Variants in COL6A2 observed in about 807,000 individuals in gnomAD.
COL6A2 encodes the protein collagen alpha-2(VI) chain.
Under a neutral mutation model 124.9 loss-of-function variants are expected in COL6A2, and 90 were observed. The observed-to-expected ratio is 0.72, with a 90% CI of 0.61 to 0.86. The LOEUF (loss-of-function observed/expected upper bound fraction) is 0.86. Ranked by LOEUF, COL6A2 falls within the 40% of genes least tolerant of loss-of-function variation. COL6A2 has a pLI of 0.00. For missense variants in COL6A2, 1,607 were observed against 1,502.5 expected (o/e 1.07, Z -1.15); for synonymous variants, 793 against 618.2 (o/e 1.28, Z -4.19).
chr21:46,125,648 C>T (rs372212129), intron 25 of COL6A2, 31 bp downstream of exon 25: 62 of 571,672 alleles, frequency 1.1e-4, no homozygotes, highest in Admixed American at 3.4e-4. Context: ...TGCAGCATTG[C>T]GGGGGGCCGG....
chr21:46,111,368 T>A (rs1463107693), intron 1 of COL6A2, 82 bp from the exon 2 acceptor site: 10 of 755,092 alleles, frequency 1.3e-5, no homozygotes, highest in Non-Finnish European at 2.1e-5. Context: ...CCCGCTGACC[T>A]GCTGTGCGTG....
At chr21:46,109,425 C>A (rs2078370819) in intron 1 of COL6A2, among the ~76,000 whole-genome samples, 1 of 152,224 alleles carries the variant, frequency 6.6e-6, no homozygotes, top group South Asian at 2.1e-4. Context: ...CCCCTCTGGT[C>A]CGTAGGACGG....
rs1401990791 is a variant in COL6A2, at chr21:46,119,051, G to A, written c.1201G>A (p.Ala401Thr). The A allele has an allele frequency of 6.2e-6, 10 of 1,611,956 alleles. No individual in the cohort carries two copies. The highest frequency in any genetic ancestry group is 1.6e-4 in the Middle Eastern group (1 of 6,078). The change falls in exon 14 of 28, where the codon GCC becomes ACC. Residue 401 changes from alanine to threonine, a missense_variant. Coordinates refer to ENST00000300527, the MANE Select transcript of COL6A2 (RefSeq NM_001849.4). ...GSKGYQGNSG[A>T]PGSPGVKGAK... is the part of the protein sequence containing the mutation. ...TCAGGGGTATCAAGGCAACAGTGGAGCCCCAGGAAGTCCTGGTGTGAAAGG... is the reference window on the plus strand; with the variant it reads ...TCAGGGGTATCAAGGCAACAGTGGAACCCCAGGAAGTCCTGGTGTGAAAGG...
At position 46,132,263 on chromosome 21, in the gene COL6A2, C is replaced by G. The variant is rs1315506672; in HGVS notation, c.2771C>G (p.Ala924Gly). ...CACGTGGGCGCAGGCGTGGTGCACG[C>G]CATCAATGCCATCGTGCGCAGCCCG... ...FSHVGAGVVH[A>G]INAIVRSPRG... Residue 924 changes from alanine to glycine, a missense_variant, in exon 28 of 28, where the codon GCC becomes GGC. Physicochemically the swap from Ala to Gly is moderately conservative, Grantham distance 60. Around this residue, in one of 3 missense-constraint regions of COL6A2, gnomAD observed 1,223 missense variants for 1,052.2 expected, o/e 1.16. Coordinates refer to ENST00000300527, the MANE Select transcript of COL6A2 (RefSeq NM_001849.4). The G allele has an allele frequency of 6.2e-7, 1 of 1,606,178 alleles. No individual in the cohort carries two copies. Among genetic ancestry groups the G allele is most frequent in the Non-Finnish European group, 8.5e-7 (1 of 1,178,536 alleles).
chr21:46,105,858 A>G (rs1395072792), intron 1 of COL6A2, among the ~76,000 whole-genome samples: 1 of 152,256 alleles, frequency 6.6e-6, no homozygotes, highest in African/African-American at 2.4e-5. Context: ...AAAATGAAAG[A>G]AGTCCCTCTT....
Position 46,111,508 on chromosome 21 carries a change from TCTGGGGAATC to T in COL6A2, c.39_48del (p.Ile14ProfsTer54). 6.2e-7 allele frequency: 1 copy of T among 1,612,856 alleles called. No homozygotes were observed. The highest frequency in any genetic ancestry group is 8.5e-7 in the Non-Finnish European group (1 of 1,179,854). The stretch of plus-strand genomic sequence containing the variant: ...CAGGGCACCTGCTCCGTGCTCCTGC[TCTGGGGAATC>T]CTGGGGGCCATCCAGGCCCAGCAGC... On this transcript the variant is annotated frameshift_variant, in exon 2 of 28. Coordinates refer to ENST00000300527, the MANE Select transcript of COL6A2 (RefSeq NM_001849.4). LOFTEE classifies it high-confidence loss of function.
intron 4 of COL6A2, 105 bp downstream of exon 4, chr21:46,112,929 G>C (rs899100824): frequency 8.4e-6 from 12 of 1,422,652 alleles, no homozygotes; most frequent in Non-Finnish European, 1.2e-5. Flanking sequence ...GAACAGATGA[G>C]AGGAGAGGGA....
intron 27 of COL6A2, among the ~76,000 whole-genome samples, chr21:46,127,922 C>G (rs929456883): frequency 1.3e-5 from 2 of 152,206 alleles, no homozygotes; most frequent in Non-Finnish European, 2.9e-5. Context: ...GCCAGCCCTG[C>G]GTGCCCGGGA....
Position 46,112,577 on chromosome 21 carries a change from G to A in COL6A2, c.714G>A (p.Met238Ile), listed in dbSNP as rs963826946. 1 of 1,611,898 alleles carries A rather than the reference G, an allele frequency of 6.2e-7. No homozygotes were observed. Among genetic ancestry groups the A allele is most frequent in the Non-Finnish European group, 8.5e-7 (1 of 1,179,838 alleles). ...CCATCAACCGCATCATCAAGGTCAT[G>A]GTGAGCCGCGGGCGGGAGCACCGTC... ...QDTINRIIKVMKHEAYGECYK... is the reference protein window; with the variant it reads ...QDTINRIIKVIKHEAYGECYK... Residue 238 changes from methionine to isoleucine, a missense_variant and splice_region_variant, in exon 3 of 28, where the codon ATG becomes ATA. Physicochemically the swap from Met to Ile is conservative, Grantham distance 10. Coordinates refer to ENST00000300527, the MANE Select transcript of COL6A2 (RefSeq NM_001849.4).
At chr21:46,114,298 G>A (rs1000496223) in intron 5 of COL6A2, among the ~76,000 whole-genome samples, 35 of 152,098 alleles carry the variant, frequency 2.3e-4, no homozygotes, top group Non-Finnish European at 3.1e-4. Flanking sequence ...AGTGGCATGC[G>A]CCTGTAGTCC....
At position 46,117,921 on chromosome 21, in the gene COL6A2, A is replaced by G; in HGVS notation, c.1101A>G (p.Gly367=). 6.2e-7 allele frequency: 1 copy of G among 1,612,810 alleles called. No individual in the cohort carries two copies. The highest frequency in any genetic ancestry group is 1.1e-5 in the South Asian group (1 of 90,948). The part of the protein sequence containing the change: ...PGEAGSPGER[G]DQGGKGDPGR... ...AAGCAGGGAGTCCAGGGGAGCGAGG[A>G]GACCAAGGCGGCAAGGTAAGTGGCC... Residue 367 remains glycine, a synonymous_variant, in exon 12 of 28, where the codon GGA becomes GGG. Transcript: ENST00000300527.
At chr21:46,124,298 C>T (rs895881731) in intron 21 of COL6A2, among the ~76,000 whole-genome samples, 8 of 147,182 alleles carry the variant, frequency 5.4e-5, no homozygotes, top group Non-Finnish European at 1.1e-4. Context: ...GGTGATTGGG[C>T]GAATGGGCGA....
chr21:46,112,735 C>G (rs988407376), intron 3 of COL6A2, 69 bp from the exon 4 acceptor site: 6 of 1,610,950 alleles, frequency 3.7e-6, no homozygotes, highest in Non-Finnish European at 5.1e-6. Flanking sequence ...CATCCCCACC[C>G]AGACTCGAGG....
Position 46,125,502 on chromosome 21 carries a change from C to G in COL6A2, c.1854C>G (p.Phe618Leu). The stretch of plus-strand genomic sequence containing the variant: ...GCTGTGGCGCCCTGGACGTGGTCTT[C>G]GTCATCGACAGCTCCGAGAGCATTG... ...EKRCGALDVV[F>L]VIDSSESIGY... The change falls in exon 25 of 28, where the codon TTC becomes TTG. Residue 618 changes from phenylalanine to leucine, a missense_variant. Transcript: ENST00000300527. 1 of 1,612,978 alleles carries G rather than the reference C, an allele frequency of 6.2e-7. No individual in the cohort carries two copies. Among genetic ancestry groups the G allele is most frequent in the Non-Finnish European group, 8.5e-7 (1 of 1,179,974 alleles).
intron 1 of COL6A2, among the ~76,000 whole-genome samples, chr21:46,103,731 C>T (rs931185833): frequency 2.6e-5 from 4 of 152,124 alleles, no homozygotes; most frequent in African/African-American, 9.7e-5. Flanking sequence ...TTTAACTTTA[C>T]TCCTTTGTGG....
chr21:46,101,519 G>T (rs1305268327), intron 1 of COL6A2, among the ~76,000 whole-genome samples: 6 of 152,240 alleles, frequency 3.9e-5, no homozygotes, highest in Non-Finnish European at 7.4e-5. Context: ...TCTTCTAAGG[G>T]TTTTAAAGTT....
intron 20 of COL6A2, 85 bp from the exon 21 acceptor site, chr21:46,122,790 T>C (rs1193580648): frequency 7.2e-7 from 1 of 1,387,940 alleles, no homozygotes; most frequent in Non-Finnish European, 1.0e-6. Flanking sequence ...AAATGCCAGA[T>C]CGATTTTTCC....
intron 2 of COL6A2, 76 bp downstream of exon 2, chr21:46,111,667 G>C: frequency 2.6e-6 from 1 of 385,126 alleles, no homozygotes; most frequent in Non-Finnish European, 4.6e-6. Flanking sequence ...CCAGGGGTCG[G>C]GGGCCGGGGG....
chr21:46,123,019 T>A, intron 21 of COL6A2, 82 bp downstream of exon 21: 1 of 1,339,684 alleles, frequency 7.5e-7, no homozygotes, highest in Non-Finnish European at 1.1e-6. Context: ...CATCTATGAG[T>A]ACAGGAGAAC....
Sources: gnomAD v4.1 joint callset for allele counts (sites outside exome capture counted in the v4.1 genomes callset) on GRCh38, gnomAD v4.1.1 for gene constraint, gnomAD v4.1.1 regional missense constraint, MANE v1.5 for transcripts, NCBI Gene and HGNC (gene_info 2026-07-23, HGNC 2026-07-21) for gene names.